Variants in FAR1 observed in about 807,000 individuals in gnomAD.
FAR1 encodes fatty acyl-CoA reductase 1.
Under a neutral mutation model 61.1 loss-of-function variants are expected in FAR1, and 22 were observed. That is an observed-to-expected ratio of 0.36 (90% CI 0.26 to 0.51). The LOEUF is 0.51. FAR1 is among the 20% of genes least tolerant of loss of function. The pLI is 0.95. For synonymous variants in FAR1, 206 were observed against 209.7 expected, an observed-to-expected ratio of 0.98 and a Z score of 0.15; for missense variants, 359 against 626.9, an observed-to-expected ratio of 0.57 and a Z score of 4.56.
Position 13,711,917 on chromosome 11 carries a change from T to C in FAR1, c.769-11T>C, listed in dbSNP as rs1161269819. 6.2e-7 allele frequency: 1 copy of C among 1,609,830 alleles called. No individual in the cohort carries two copies. The highest frequency in any genetic ancestry group is 8.5e-7 in the Non-Finnish European group (1 of 1,176,516). ...ATATATCTTAAGGTGTTGTTTTTAATTTCAACAAAGGCAGGGAAAGGAATT... is the reference window on the plus strand; with the variant it reads ...ATATATCTTAAGGTGTTGTTTTTAACTTCAACAAAGGCAGGGAAAGGAATT... On this transcript the variant is annotated splice_polypyrimidine_tract_variant and intron_variant, in intron 6 of 11. Coordinates refer to ENST00000354817, the MANE Select transcript of FAR1 (RefSeq NM_032228.6).
At chr11:13,725,715 C>G (rs1304910775) in intron 10 of FAR1, among the ~76,000 whole-genome samples, 1 of 152,022 alleles carries the variant, frequency 6.6e-6, no homozygotes, top group Non-Finnish European at 1.5e-5. Context: ...TATTTTCAGT[C>G]ATTTTGTATC....
intron 7 of FAR1, among the ~76,000 whole-genome samples, chr11:13,712,461 G>T (rs981904382): frequency 7.9e-5 from 12 of 152,052 alleles, no homozygotes; most frequent in Non-Finnish European, 1.5e-4. Context: ...AATAATAGTA[G>T]CATTTACAGG....
At chr11:13,671,701 A>T (rs1848006413) in intron 1 of FAR1, among the ~76,000 whole-genome samples, 1 of 152,188 alleles carries the variant, frequency 6.6e-6, no homozygotes, top group African/African-American at 2.4e-5. Flanking sequence ...TATTTTATAG[A>T]TGAGGGAGAT....
chr11:13,724,384 GA>G (rs1028327005), intron 10 of FAR1, among the ~76,000 whole-genome samples: 5 of 146,204 alleles, frequency 3.4e-5, no homozygotes, highest in Admixed American at 1.4e-4. Flanking sequence ...TCTCTCTACA[GA>G]AAAAAAAAAG....
At chr11:13,676,167 A>G (rs1848066513) in intron 1 of FAR1, among the ~76,000 whole-genome samples, 1 of 152,138 alleles carries the variant, frequency 6.6e-6, no homozygotes, top group African/African-American at 2.4e-5. Flanking sequence ...AAGAGTGATA[A>G]AATGATAAAG....
At chr11:13,681,536 C>G (rs892192092) in intron 1 of FAR1, among the ~76,000 whole-genome samples, 14 of 152,180 alleles carry the variant, frequency 9.2e-5, no homozygotes, top group African/African-American at 3.1e-4. Context: ...TGTATGACTT[C>G]CAAGGCTAGG....
chr11:13,692,234 T>C (rs1848258025), intron 1 of FAR1, among the ~76,000 whole-genome samples: 1 of 152,124 alleles, frequency 6.6e-6, no homozygotes, highest in Admixed American at 6.5e-5. Context: ...TATGTTCAGA[T>C]TGGGGATGTT....
chr11:13,696,291 C>T (rs193171787), intron 2 of FAR1, among the ~76,000 whole-genome samples: 1 of 152,232 alleles, frequency 6.6e-6, no homozygotes, highest in Admixed American at 6.5e-5. Context: ...GTCCTGGGCA[C>T]TTGACTTGTT....
At chr11:13,708,481 A>G (rs1848464062) in intron 4 of FAR1, among the ~76,000 whole-genome samples, 1 of 125,710 alleles carries the variant, frequency 8.0e-6, no homozygotes, top group Non-Finnish European at 1.9e-5. Flanking sequence ...ACACACATAC[A>G]TTTATCTCTT....
At chr11:13,683,844 T>C (rs1193272973) in intron 1 of FAR1, among the ~76,000 whole-genome samples, 2 of 152,216 alleles carry the variant, frequency 1.3e-5, no homozygotes, top group Admixed American at 6.5e-5. Context: ...TTTGAGACTT[T>C]CCATTGCAGT....
chr11:13,712,914 G>T (rs1848515669), intron 7 of FAR1, 52 bp from the exon 8 acceptor site: 3 of 1,429,906 alleles, frequency 2.1e-6, no homozygotes, highest in Non-Finnish European at 3.0e-6. Context: ...ACTTAGATTG[G>T]ATATGTTTGG....
chr11:13,689,767 GTT>G, intron 1 of FAR1, among the ~76,000 whole-genome samples: 1 of 151,686 alleles, frequency 6.6e-6, no homozygotes, highest in Admixed American at 6.6e-5. Context: ...GAGAGTTCCA[GTT>G]ATTGTGCACC....
At chr11:13,720,907 T>C (rs1848604191) in intron 9 of FAR1, 1 of 152,156 alleles carries the variant, frequency 6.6e-6, no homozygotes, top group South Asian at 2.1e-4. Flanking sequence ...GTATAGATGT[T>C]ACTGCTCAAG....
At chr11:13,676,283 A>C (rs1359108311) in intron 1 of FAR1, among the ~76,000 whole-genome samples, 3 of 152,208 alleles carry the variant, frequency 2.0e-5, no homozygotes, top group Non-Finnish European at 4.4e-5. Flanking sequence ...TTCACTAAAG[A>C]TTTTGGAATA....
At chr11:13,672,861 T>G (rs7106266) in intron 1 of FAR1, among the ~76,000 whole-genome samples, 1,880 of 152,340 alleles carry the variant, frequency 0.012, 39 homozygotes, top group African/African-American at 0.042. Context: ...ACACTTGTTT[T>G]CTTAGAGTTT....
rs921941898 is a variant in FAR1, at chr11:13,713,401, C to T, written c.955+368C>T. ...TATCCATAGGCAGTATCACTTCTTA[C>T]AAGAGGTGGTATATCAAGTGGTACC... On this transcript the variant is annotated intron_variant, in intron 8 of 11. Transcript: ENST00000354817. 3.9e-5 allele frequency among the ~76,000 whole-genome samples: 6 copies of T among 152,094 alleles called. No homozygotes were observed. The East Asian group carries it at 1.2e-3, about 29-fold the overall frequency.
rs552174589 is a variant in FAR1, at chr11:13,723,485, C to T, written c.1257+1626C>T. ...TATAGGTGATATGTTATTCCTGGCT[C>T]GTCTTCCATTTTCTCTTTATGTTTG... is the stretch of plus-strand genomic sequence containing the variant. On this transcript the variant is annotated intron_variant, in intron 10 of 11. Coordinates refer to ENST00000354817, the MANE Select transcript of FAR1 (RefSeq NM_032228.6). 22 of 341,478 alleles carry T rather than the reference C, an allele frequency of 6.4e-5. No individual in the cohort carries two copies. The East Asian group carries it at 1.5e-3, about 23-fold the overall frequency. 21.2% of individuals were successfully genotyped at this position (341,478 alleles called of 1,614,324 possible).
chr11:13,728,242 A>T (rs1848686375), intron 11 of FAR1, among the ~76,000 whole-genome samples: 1 of 151,836 alleles, frequency 6.6e-6, no homozygotes, highest in South Asian at 2.1e-4. Context: ...TTATCAAGTT[A>T]ATGCCATGTT....
At chr11:13,703,272 C>T (rs1016592237) in intron 3 of FAR1, among the ~76,000 whole-genome samples, 2 of 152,210 alleles carry the variant, frequency 1.3e-5, no homozygotes, top group Non-Finnish European at 2.9e-5. Context: ...CAGCCTCGAC[C>T]TCCTGGGTTC....
Sources: gnomAD v4.1 joint callset for allele counts (sites outside exome capture counted in the v4.1 genomes callset) on GRCh38, gnomAD v4.1.1 for gene constraint, MANE v1.5 for transcripts, NCBI Gene and HGNC (gene_info 2026-07-23, HGNC 2026-07-21) for gene names.